The following ASTN2 variants were observed in gnomAD, a reference collection of about 807,000 sequenced individuals.
The protein encoded by ASTN2 is astrotactin-2.
ASTN2 carries 54 observed loss-of-function variants against 139.8 expected under a neutral mutation model. The ratio of observed to expected loss-of-function variants is 0.39; its 90% confidence interval spans 0.31 to 0.48. The LOEUF is 0.48. ASTN2 is among the 20% of genes least tolerant of loss of function. The pLI, the probability that ASTN2 is intolerant of heterozygous loss-of-function variation, is 0.95. For synonymous variants in ASTN2, 756 were observed against 719.5 expected (o/e 1.05, Z -0.81); for missense variants, 1,565 against 1,725.1 (o/e 0.91, Z 1.64).
At chr9:117,387,250 TCTTC>T (rs1277459112) in intron 1 of ASTN2, among the ~76,000 whole-genome samples, 2 of 152,222 alleles carry the variant, frequency 1.3e-5, no homozygotes, top group Non-Finnish European at 2.9e-5. Context: ...TGTATTTATT[TCTTC>T]CTTCAACAAA....
chr9:116,427,201 G>A (rs1444542755), intron 22 of ASTN2, among the ~76,000 whole-genome samples: 1 of 152,114 alleles, frequency 6.6e-6, no homozygotes, highest in Non-Finnish European at 1.5e-5. Context: ...CAGCATCCCA[G>A]GGCCCCACCT....
At chr9:116,482,136 C>T (rs1358659477) in intron 20 of ASTN2, among the ~76,000 whole-genome samples, 1 of 152,170 alleles carries the variant, frequency 6.6e-6, no homozygotes, top group Non-Finnish European at 1.5e-5. Context: ...ACCATCCTGG[C>T]TAACACGGTG....
intron 1 of ASTN2, among the ~76,000 whole-genome samples, chr9:117,304,764 G>A (rs1250702031): frequency 6.6e-6 from 1 of 152,208 alleles, no homozygotes; most frequent in Non-Finnish European, 1.5e-5. Context: ...CAGGCCGTCA[G>A]TGGAATGATT....
intron 16 of ASTN2, among the ~76,000 whole-genome samples, chr9:116,671,946 G>A (rs1042061334): frequency 2.0e-5 from 3 of 152,182 alleles, no homozygotes; most frequent in African/African-American, 7.2e-5. Flanking sequence ...GATAACCTGT[G>A]CTTGGATTCC....
chr9:116,894,173 C>T lies in ASTN2; in HGVS notation c.1890-30440G>A, dbSNP rs187729571. Among the ~76,000 whole-genome samples, 332 of 152,212 alleles carry T rather than the reference C, an allele frequency of 2.2e-3. 1 individual carries two copies. Among genetic ancestry groups the T allele is most frequent in the African/African-American group, 7.4e-3 (308 of 41,538 alleles). On this transcript the variant is annotated intron_variant, in intron 10 of 22. Transcript: ENST00000313400. ...GACATTTACTTGCCAGTTCCTAGATCAAAAACATGTGGGCCTCCTTTCTGC... is the reference window on the plus strand; with the variant it reads ...GACATTTACTTGCCAGTTCCTAGATTAAAAACATGTGGGCCTCCTTTCTGC...
intron 1 of ASTN2, among the ~76,000 whole-genome samples, chr9:117,409,226 C>G (rs758495488): frequency 6.6e-6 from 1 of 152,182 alleles, no homozygotes; most frequent in Non-Finnish European, 1.5e-5. Context: ...AATGAACATT[C>G]TGTGGTCAGA....
intron 20 of ASTN2, among the ~76,000 whole-genome samples, chr9:116,442,976 A>G (rs1847882537): frequency 6.6e-6 from 1 of 152,244 alleles, no homozygotes; most frequent in African/African-American, 2.4e-5. Context: ...CACACCAGGA[A>G]GTACTTTAAG....
At chr9:116,929,658 A>C (rs1834847303) in intron 10 of ASTN2, among the ~76,000 whole-genome samples, 1 of 152,150 alleles carries the variant, frequency 6.6e-6, no homozygotes, top group African/African-American at 2.4e-5. Flanking sequence ...CCCTTTGCTG[A>C]CTAATTGAAT....
In ASTN2 at chr9:117,119,244, T is replaced by C. The variant is rs148507158; in HGVS notation, c.1168+22082A>G. Among the ~76,000 whole-genome samples the C allele has an allele frequency of 2.6e-5, 4 of 152,320 alleles. No individual in the cohort carries two copies. In the East Asian group the frequency reaches 7.7e-4, roughly 29 times the overall value. On this transcript the variant is annotated intron_variant, in intron 4 of 22. Transcript: ENST00000313400. ...GGTTTGAAAACATCTTGCAAACACATATACTTTTGGAAACTCACCTGTTTG... is the reference window on the plus strand; with the variant it reads ...GGTTTGAAAACATCTTGCAAACACACATACTTTTGGAAACTCACCTGTTTG...
intron 19 of ASTN2, among the ~76,000 whole-genome samples, chr9:116,581,194 T>C (rs1853937387): frequency 6.6e-6 from 1 of 152,146 alleles, no homozygotes; most frequent in South Asian, 2.1e-4. Flanking sequence ...AAGACAGTGC[T>C]GCTTGCTATC....
At chr9:116,598,920 A>G (rs1246982408) in intron 19 of ASTN2, among the ~76,000 whole-genome samples, 1 of 152,254 alleles carries the variant, frequency 6.6e-6, no homozygotes, top group Non-Finnish European at 1.5e-5. Context: ...CTGTTATTGA[A>G]CAGTCAGATA....
intron 11 of ASTN2, among the ~76,000 whole-genome samples, chr9:116,834,770 G>A (rs1241134272): frequency 1.3e-5 from 2 of 152,200 alleles, no homozygotes; most frequent in Non-Finnish European, 2.9e-5. Context: ...ATTTGCGACT[G>A]GGCACAGTGG....
intron 3 of ASTN2, among the ~76,000 whole-genome samples, chr9:117,206,987 G>T (rs1831948056): frequency 6.6e-6 from 1 of 152,110 alleles, no homozygotes; most frequent in Non-Finnish European, 1.5e-5. Context: ...CAGCCCTGGT[G>T]GGCATACCAC....
intron 7 of ASTN2, among the ~76,000 whole-genome samples, chr9:116,993,872 A>ATTTTT (rs1431725957): frequency 3.7e-5 from 5 of 135,680 alleles, no homozygotes; most frequent in African/African-American, 1.1e-4. Context: ...ATATATATAT[A>ATTTTT]TATATTTTAA....
chr9:117,283,599 G>A (rs1032631847), intron 2 of ASTN2, among the ~76,000 whole-genome samples: 12 of 152,160 alleles, frequency 7.9e-5, no homozygotes, highest in Non-Finnish European at 1.5e-4. Context: ...ATAAGATCAT[G>A]GAGCATATTG....
chr9:116,812,533 C>G (rs1831193190), intron 12 of ASTN2, among the ~76,000 whole-genome samples: 1 of 152,128 alleles, frequency 6.6e-6, no homozygotes, highest in African/African-American at 2.4e-5. Context: ...GCAGCCCTGC[C>G]ACTGTCTTGA....
intron 7 of ASTN2, among the ~76,000 whole-genome samples, chr9:116,999,350 T>C (rs1474669287): frequency 1.3e-5 from 2 of 152,058 alleles, no homozygotes; most frequent in Non-Finnish European, 2.9e-5. Context: ...TTGATTACAC[T>C]AGATGATGGC....
At chr9:116,728,247 A>G (rs553785833) in intron 15 of ASTN2, among the ~76,000 whole-genome samples, 1 of 152,350 alleles carries the variant, frequency 6.6e-6, no homozygotes, top group South Asian at 2.1e-4. Context: ...TTCTCAGGTC[A>G]TAGACAAGAT....
chr9:117,327,749 A>G (rs753669053), intron 1 of ASTN2, among the ~76,000 whole-genome samples: 16 of 152,190 alleles, frequency 1.1e-4, no homozygotes, highest in Non-Finnish European at 2.2e-4. Flanking sequence ...CCTTCAACAA[A>G]TATTTGCAAT....
Sources: allele counts gnomAD v4.1 joint callset (sites outside exome capture counted in the v4.1 genomes callset), GRCh38; gene constraint gnomAD v4.1.1; transcripts MANE v1.5; gene names NCBI Gene and HGNC (gene_info 2026-07-23, HGNC 2026-07-21).